ROR1: variants seen among roughly 807,000 people sequenced by gnomAD.
ROR1 encodes the protein ROR family WNT receptor 1.
In ROR1, 19 loss-of-function variants were observed where a neutral mutation model predicts 78.8. That is an observed-to-expected ratio of 0.24 (90% CI 0.17 to 0.35). ROR1 has a LOEUF of 0.35. Among genes scored for constraint, ROR1 ranks in the 10% least tolerant of loss-of-function variants. ROR1 has a pLI of 1.00. For synonymous variants in ROR1, 386 were observed against 433.6 expected (o/e 0.89, Z 1.36); for missense variants, 917 against 1,177.8 (o/e 0.78, Z 3.24).
chr1:64,009,347 C>T lies in ROR1; in HGVS notation c.134C>T (p.Ser45Leu). 1.2e-6 allele frequency: 2 copies of T among 1,613,702 alleles called. No homozygotes were observed. The highest frequency in any genetic ancestry group is 1.7e-6 in the Non-Finnish European group (2 of 1,179,648). Residue 45 changes from serine (S) to leucine (L), a missense_variant, in exon 2 of 9, where the codon TCA (serine) becomes TTA (leucine). Ser to Leu is a moderately radical substitution (Grantham distance 145). Around this residue, in one of 3 missense-constraint regions of ROR1, gnomAD observed 63 missense variants for 57.0 expected, o/e 1.10. Transcript: ENST00000371079. ...SVSAELVPTS[S>L]WNISSELNKD... ...AGTGCTGAATTAGTGCCTACCTCAT[C>T]ATGGAACATCTCAAGTGAACTCAAC... is the stretch of plus-strand genomic sequence containing the variant.
chr1:63,963,853 C>T (rs1376674018), intron 1 of ROR1, among the ~76,000 whole-genome samples: 2 of 152,166 alleles, frequency 1.3e-5, no homozygotes, highest in African/African-American at 4.8e-5. Context: ...AGAATGCAGA[C>T]GCACTGCCTG....
chr1:63,932,129 A>G (rs78765722), intron 1 of ROR1, among the ~76,000 whole-genome samples: 3,945 of 152,288 alleles, frequency 0.026, 176 homozygotes, highest in African/African-American at 0.09. Context: ...CATCGAATAC[A>G]TAAAGCCAGT....
intron 1 of ROR1, among the ~76,000 whole-genome samples, chr1:63,884,860 T>G (rs1291608710): frequency 1.7e-4 from 26 of 149,212 alleles, no homozygotes; most frequent in African/African-American, 6.2e-4. Context: ...TTGAGGAGAG[T>G]CAGAAAAGGC....
intron 4 of ROR1, among the ~76,000 whole-genome samples, chr1:64,118,362 CTCACGCCTGTAA>C (rs1178844900): frequency 6.6e-6 from 1 of 151,990 alleles, no homozygotes. Flanking sequence ...GGTGCTGTGG[CTCACGCCTGTAA>C]TCCCAGCACT....
chr1:63,892,624 G>C (rs1645406391), intron 1 of ROR1, among the ~76,000 whole-genome samples: 1 of 152,170 alleles, frequency 6.6e-6, no homozygotes, highest in Non-Finnish European at 1.5e-5. Context: ...CTGAAACCCA[G>C]TATTTTTTTT....
chr1:63,913,604 T>C (rs1645587391), intron 1 of ROR1, among the ~76,000 whole-genome samples: 2 of 152,216 alleles, frequency 1.3e-5, no homozygotes, highest in Admixed American at 1.3e-4. Context: ...GACAGGCTTA[T>C]TTTGGACTGA....
intron 1 of ROR1, among the ~76,000 whole-genome samples, chr1:63,815,478 CTTTTTCT>C (rs1405778963): frequency 2.3e-4 from 24 of 103,468 alleles, no homozygotes; most frequent in African/African-American, 1.2e-3. Context: ...CTTTTCTTTT[CTTTTTCT>C]TTTTTTTTTT....
chr1:64,159,190 A>G lies in ROR1; in HGVS notation c.1384A>G (p.Lys462Glu). The G allele has an allele frequency of 2.5e-6, 4 of 1,611,092 alleles. No homozygotes were observed. Among genetic ancestry groups the G allele is most frequent in the Non-Finnish European group, 3.4e-6 (4 of 1,177,244 alleles). Residue 462 changes from lysine (K) to glutamate (E), a missense_variant and splice_region_variant, in exon 8 of 9, where the codon AAG becomes GAG. Lys to Glu is a moderately conservative substitution (Grantham distance 56, BLOSUM62 1). Transcript: ENST00000371079. ...EMSMLNAYKPKSKAKELPLSA... is the reference protein window; with the variant it reads ...EMSMLNAYKPESKAKELPLSA... ...GTCAATGCTGAATGCATATAAACCC[A>G]AGGTAATGTTAGCAGTACAGAGCTA... is the stretch of plus-strand genomic sequence containing the variant.
chr1:64,004,216 G>A (rs1646409997), intron 1 of ROR1, among the ~76,000 whole-genome samples: 1 of 152,202 alleles, frequency 6.6e-6, no homozygotes, highest in African/African-American at 2.4e-5. Flanking sequence ...GAAAAATGAG[G>A]AGATTGTATG....
At chr1:64,024,600 G>A (rs528264293) in intron 2 of ROR1, among the ~76,000 whole-genome samples, 2 of 152,268 alleles carry the variant, frequency 1.3e-5, no homozygotes, top group South Asian at 2.1e-4. Flanking sequence ...TTCTAGCTTT[G>A]TGTTATAAAT....
At chr1:64,067,384 C>T (rs1373991540) in intron 4 of ROR1, among the ~76,000 whole-genome samples, 2 of 130,460 alleles carry the variant, frequency 1.5e-5, no homozygotes, top group Non-Finnish European at 3.1e-5. Flanking sequence ...AGGCCTGTCG[C>T]GGTGGCTCAC....
chr1:63,985,472 C>G (rs974195862), intron 1 of ROR1, among the ~76,000 whole-genome samples: 29 of 152,256 alleles, frequency 1.9e-4, no homozygotes, highest in Admixed American at 1.4e-3. Context: ...ATTCTAAATG[C>G]TCCAAAACCT....
chr1:64,126,979 C>T (rs1648733204), intron 4 of ROR1, among the ~76,000 whole-genome samples: 2 of 152,128 alleles, frequency 1.3e-5, no homozygotes, highest in South Asian at 4.1e-4. Flanking sequence ...CAAATTCTCT[C>T]CCTTCTGCTG....
intron 8 of ROR1, chr1:64,171,061 C>A (rs761302680): frequency 5.5e-5 from 9 of 163,970 alleles, no homozygotes; most frequent in Non-Finnish European, 1.2e-4. Flanking sequence ...CTGCCTGTTA[C>A]CCAGTTCCAA....
Position 63,778,960 on chromosome 1 carries a change from T to TG in ROR1, c.91+4452_91+4453insG, listed in dbSNP as rs1644634253. Among the ~76,000 whole-genome samples, 3 of 152,246 alleles carry TG rather than the reference T, an allele frequency of 2.0e-5. No homozygotes were observed. In the South Asian group the frequency reaches 6.2e-4, roughly 32 times the overall value. On this transcript the variant is annotated intron_variant, in intron 1 of 8. Transcript: ENST00000371079. ...AACAAAGGTGGTATTTCCCAAGGTT[T>TG]TCCAACAGCAGCAAAGGGAAGCTTG...
intron 1 of ROR1, among the ~76,000 whole-genome samples, chr1:63,820,466 T>C (rs1644917129): frequency 6.6e-6 from 1 of 152,182 alleles, no homozygotes; most frequent in South Asian, 2.1e-4. Flanking sequence ...TGTTGGGAGA[T>C]TAGGAGAAGG....
chr1:64,084,908 G>A (rs566157316), intron 4 of ROR1, among the ~76,000 whole-genome samples: 1 of 152,310 alleles, frequency 6.6e-6, no homozygotes, highest in South Asian at 2.1e-4. Flanking sequence ...AGCCCTGGCA[G>A]AGTTTGCAGG....
intron 1 of ROR1, among the ~76,000 whole-genome samples, chr1:63,821,814 T>C (rs1162604570): frequency 6.6e-6 from 1 of 152,226 alleles, no homozygotes; most frequent in Non-Finnish European, 1.5e-5. Flanking sequence ...AAGTCCCAGC[T>C]GGTTCAAGTG....
At position 64,069,516 on chromosome 1, in the gene ROR1, ATG is replaced by A. The variant is rs143372488; in HGVS notation, c.482+18822_482+18823del. On this transcript the variant is annotated intron_variant, in intron 4 of 8. Transcript: ENST00000371079. ...CAGACTACATTTCCTCTTGGGTTAA[ATG>A]TGTGTGTGTGTGTGTGTGTGTACAC... is the stretch of plus-strand genomic sequence containing the variant. 9.0e-4 allele frequency among the ~76,000 whole-genome samples: 135 copies of A among 150,028 alleles called. 2 individuals carry two copies. The highest frequency in any genetic ancestry group is 7.4e-3 in the South Asian group (35 of 4,754).
Sources: gnomAD v4.1 joint callset for allele counts (sites outside exome capture counted in the v4.1 genomes callset) on GRCh38, gnomAD v4.1.1 for gene constraint, gnomAD v4.1.1 regional missense constraint, MANE v1.5 for transcripts, NCBI Gene and HGNC (gene_info 2026-07-23, HGNC 2026-07-21) for gene names.